The following DAB1 variants were observed in gnomAD, a reference collection of about 807,000 sequenced individuals.
DAB1 encodes disabled homolog 1.
In DAB1, 15 loss-of-function variants were observed where a neutral mutation model predicts 64.6. That is an observed-to-expected ratio of 0.23 (90% CI 0.16 to 0.36). The LOEUF is 0.36. Among genes scored for constraint, DAB1 ranks in the 10% least tolerant of loss-of-function variants. The pLI is 1.00. For missense variants in DAB1, 596 were observed against 706.7 expected (o/e 0.84, Z 1.78); for synonymous variants, 235 against 251.9 (o/e 0.93, Z 0.64).
At chr1:58,041,394 A>G (rs1481027605) in intron 5 of DAB1, among the ~76,000 whole-genome samples, 2 of 152,214 alleles carry the variant, frequency 1.3e-5, no homozygotes, top group East Asian at 1.9e-4. Context: ...GGCCCTCAGC[A>G]TATGATTGTG....
At chr1:57,926,958 C>T (rs1255470972) in intron 5 of DAB1, among the ~76,000 whole-genome samples, 1 of 152,166 alleles carries the variant, frequency 6.6e-6, no homozygotes, top group Non-Finnish European at 1.5e-5. Context: ...AGACATCTCC[C>T]TTCCTAGCAG....
chr1:57,693,493 G>C (rs1646788516), intron 6 of DAB1, among the ~76,000 whole-genome samples: 1 of 148,754 alleles, frequency 6.7e-6, no homozygotes, highest in Non-Finnish European at 1.5e-5. Flanking sequence ...CTGTAAAATG[G>C]ACCAATCAGC....
chr1:57,695,158 A>G (rs970139634), intron 6 of DAB1, among the ~76,000 whole-genome samples: 1 of 151,566 alleles, frequency 6.6e-6, no homozygotes, highest in Admixed American at 6.6e-5. Flanking sequence ...GGGGAGGTAG[A>G]GGCTGCATTG....
chr1:58,463,288 C>G (rs1409370987), intron 3 of DAB1, among the ~76,000 whole-genome samples: 1 of 152,122 alleles, frequency 6.6e-6, no homozygotes, highest in Non-Finnish European at 1.5e-5. Context: ...GTGGAGGTGA[C>G]AGGTCGTCGT....
chr1:58,375,421 T>C (rs1194784080), intron 3 of DAB1, among the ~76,000 whole-genome samples: 1 of 135,008 alleles, frequency 7.4e-6, no homozygotes, highest in Non-Finnish European at 1.6e-5. Context: ...AGGCTTTTTC[T>C]GCATCTATTG....
At chr1:57,566,490 T>C (rs887518368) in intron 7 of DAB1, among the ~76,000 whole-genome samples, 2 of 152,170 alleles carry the variant, frequency 1.3e-5, no homozygotes, top group East Asian at 1.9e-4. Context: ...TCCAGGAGCT[T>C]GTTTTTTGAA....
chr1:57,883,898 C>T (rs1018388614), intron 1 of DAB1: 1 of 152,132 alleles, frequency 6.6e-6, no homozygotes, highest in African/African-American at 2.4e-5. Flanking sequence ...GTATTGGAGC[C>T]GCTTTTGAAA....
chr1:57,991,068 A>T (rs1646330727), intron 5 of DAB1, among the ~76,000 whole-genome samples: 1 of 152,172 alleles, frequency 6.6e-6, no homozygotes, highest in South Asian at 2.1e-4. Flanking sequence ...TCTACAACAT[A>T]GGTTTTGTTA....
chr1:57,939,587 G>A (rs1191152092), intron 5 of DAB1, among the ~76,000 whole-genome samples: 5 of 152,078 alleles, frequency 3.3e-5, no homozygotes, highest in Non-Finnish European at 5.9e-5. Flanking sequence ...TCAGCCTAGC[G>A]GTAATTTCTT....
intron 2 of DAB1, among the ~76,000 whole-genome samples, chr1:57,200,131 C>T (rs186570222): frequency 1.4e-3 from 217 of 152,300 alleles, no homozygotes; most frequent in African/African-American, 5.1e-3. Flanking sequence ...TGTCCCCTCA[C>T]TGGTCTGAAA....
At chr1:57,161,779 T>G (rs1354131679) in intron 2 of DAB1, among the ~76,000 whole-genome samples, 1 of 151,980 alleles carries the variant, frequency 6.6e-6, no homozygotes, top group Non-Finnish European at 1.5e-5. Context: ...CAGGTACATT[T>G]ATGGTTGCAT....
At chr1:57,526,034 T>A (rs1324026658) in intron 7 of DAB1, among the ~76,000 whole-genome samples, 1 of 150,220 alleles carries the variant, frequency 6.7e-6, no homozygotes, top group East Asian at 2.0e-4. Flanking sequence ...GCCTCCTGGG[T>A]TCAAGCAATT....
At chr1:57,605,899 G>A (rs1645630080) in intron 7 of DAB1, 3 of 671,504 alleles carry the variant, frequency 4.5e-6, no homozygotes, top group Non-Finnish European at 8.4e-6. Flanking sequence ...AGTACTGATG[G>A]AAGTAATCTG....
chr1:57,673,397 A>G (rs1053483893), intron 6 of DAB1, among the ~76,000 whole-genome samples: 1 of 152,084 alleles, frequency 6.6e-6, no homozygotes, highest in Non-Finnish European at 1.5e-5. Flanking sequence ...TCACCATTGC[A>G]TACTTCTCTG....
rs142683636 is a variant in DAB1 at position 57,018,247 on chromosome 1, C to A, written c.896-2816G>T. ...TTCACTATTTTGGAAAATGGCAGTGCCTGACATCCCTGACAGAAGCGCTTC... is the reference window on the plus strand; with the variant it reads ...TTCACTATTTTGGAAAATGGCAGTGACTGACATCCCTGACAGAAGCGCTTC... On this transcript the variant is annotated intron_variant, in intron 11 of 14. Coordinates refer to ENST00000371236, the MANE Select transcript of DAB1 (RefSeq NM_001365792.1). 2.5e-3 allele frequency among the ~76,000 whole-genome samples: 379 copies of A among 152,214 alleles called. 2 individuals carry two copies. Among genetic ancestry groups the A allele is most frequent in the African/African-American group, 8.8e-3 (366 of 41,538 alleles).
Position 57,057,892 on chromosome 1 carries a change from G to A in DAB1, c.723+4992C>T, listed in dbSNP as rs552950810. On this transcript the variant is annotated intron_variant, in intron 9 of 14. Coordinates refer to ENST00000371236, the MANE Select transcript of DAB1 (RefSeq NM_001365792.1). ...CAAAGTGCTGGGATTACAGGCATGA[G>A]CCACCGCGCCCGGCCTACTGATTCT... Among the ~76,000 whole-genome samples the A allele has an allele frequency of 1.4e-4, 22 of 152,240 alleles. No homozygotes were observed. The South Asian group carries it at 2.7e-3, about 19-fold the overall frequency.
At chr1:58,017,221 C>T (rs1006648038) in intron 5 of DAB1, among the ~76,000 whole-genome samples, 11 of 151,932 alleles carry the variant, frequency 7.2e-5, no homozygotes, top group African/African-American at 2.4e-4. Context: ...ACACCTGGAT[C>T]TCACTTTGGC....
intron 4 of DAB1, among the ~76,000 whole-genome samples, chr1:57,117,276 A>G (rs1656223538): frequency 6.6e-6 from 1 of 152,250 alleles, no homozygotes; most frequent in African/African-American, 2.4e-5. Context: ...TCTCTGTAAT[A>G]AACATACTGA....
At chr1:57,603,492 T>G (rs1448177775) in intron 7 of DAB1, among the ~76,000 whole-genome samples, 1 of 152,184 alleles carries the variant, frequency 6.6e-6, no homozygotes, top group Non-Finnish European at 1.5e-5. Context: ...ATCTAACAAT[T>G]ATCAGTCTTC....
Sources: gnomAD v4.1 joint callset for allele counts (sites outside exome capture counted in the v4.1 genomes callset) on GRCh38, gnomAD v4.1.1 for gene constraint, MANE v1.5 for transcripts, NCBI Gene and HGNC (gene_info 2026-07-23, HGNC 2026-07-21) for gene names.